Variants in ARHGEF7 observed in about 807,000 individuals in gnomAD.
ARHGEF7 encodes the protein Rho guanine nucleotide exchange factor 7, also known as PAK-interacting exchange factor beta.
ARHGEF7 carries 33 observed loss-of-function variants against 109.8 expected under a neutral mutation model. That is an observed-to-expected ratio of 0.30 (90% CI 0.23 to 0.40). The LOEUF (loss-of-function observed/expected upper bound fraction) is 0.40. Among genes scored for constraint, ARHGEF7 ranks in the 10% least tolerant of loss-of-function variants. The pLI, the probability that ARHGEF7 is intolerant of heterozygous loss-of-function variation, is 1.00. For missense variants in ARHGEF7, 938 were observed against 1,098.5 expected, an observed-to-expected ratio of 0.85 and a Z score of 2.07; for synonymous variants, 458 against 424.6, an observed-to-expected ratio of 1.08 and a Z score of -0.97.
chr13:111,115,726 C>A (rs1250334149), intron 1 of ARHGEF7, 35 bp downstream of exon 1: 4 of 1,106,038 alleles, frequency 3.6e-6, no homozygotes, highest in African/African-American at 3.4e-5. Flanking sequence ...CCGCGCCCCC[C>A]GGTCCGGCCC....
At chr13:111,292,607 T>C in intron 19 of ARHGEF7, 1 of 1,243,136 alleles carries the variant, frequency 8.0e-7, no homozygotes, top group Non-Finnish European at 1.0e-6. Flanking sequence ...CCAAATGGTT[T>C]TTTTATTCTC....
At chr13:111,230,719 C>T (rs2085927602) in intron 5 of ARHGEF7, among the ~76,000 whole-genome samples, 2 of 152,204 alleles carry the variant, frequency 1.3e-5, no homozygotes, top group South Asian at 4.1e-4. Context: ...TGGCACACTT[C>T]AGCAGTGCCC....
chr13:111,288,226 A>G (rs2093109607), intron 17 of ARHGEF7, 128 bp from the exon 18 acceptor site: 1 of 471,592 alleles, frequency 2.1e-6, no homozygotes, highest in Non-Finnish European at 3.9e-6. Context: ...GTTATCTGAC[A>G]AGAAAATCAA....
At chr13:111,148,177 C>T (rs962105149) in intron 1 of ARHGEF7, among the ~76,000 whole-genome samples, 4 of 152,236 alleles carry the variant, frequency 2.6e-5, no homozygotes, top group African/African-American at 9.6e-5. Context: ...CATCATCTGC[C>T]ATGGAGTCTA....
chr13:111,171,629 G>C (rs2077602548), intron 2 of ARHGEF7, among the ~76,000 whole-genome samples: 1 of 152,192 alleles, frequency 6.6e-6, no homozygotes, highest in Non-Finnish European at 1.5e-5. Context: ...TGTGATCTTT[G>C]AAGTTAGCTT....
chr13:111,183,490 A>T (rs550331727), intron 2 of ARHGEF7, among the ~76,000 whole-genome samples: 1 of 152,116 alleles, frequency 6.6e-6, no homozygotes, highest in Non-Finnish European at 1.5e-5. Context: ...CACCTCCGGC[A>T]TCATCTGTGG....
At chr13:111,200,142 G>T (rs914538833) in intron 2 of ARHGEF7, among the ~76,000 whole-genome samples, 22 of 151,862 alleles carry the variant, frequency 1.4e-4, no homozygotes, top group African/African-American at 5.3e-4. Flanking sequence ...CACCTCTCTC[G>T]GCCCCTAGAT....
chr13:111,163,121 A>C (rs1239393492), intron 2 of ARHGEF7, among the ~76,000 whole-genome samples: 7 of 152,250 alleles, frequency 4.6e-5, no homozygotes, highest in Non-Finnish European at 7.3e-5. Flanking sequence ...TCATTGAATA[A>C]GCTGTTGAAG....
In ARHGEF7 at chr13:111,145,740, G is replaced by A. The variant is rs1351362990; in HGVS notation, c.166-8165G>A. ...TCCTATTGGCTCAACCCCACCAGAA[G>A]CCAGAGAGCAGGGAAGCCTGGTTGA... On this transcript the variant is annotated intron_variant, in intron 1 of 21. Coordinates refer to ENST00000646102, the MANE Select transcript of ARHGEF7 (RefSeq NM_001354046.2). The surrounding 1 kb of genome is among the most constrained non-coding windows in gnomAD (Gnocchi z 4.3). Among the ~76,000 whole-genome samples, 1 of 152,236 alleles carries A rather than the reference G, an allele frequency of 6.6e-6. No homozygotes were observed. Among genetic ancestry groups the A allele is most frequent in the African/African-American group, 2.4e-5 (1 of 41,458 alleles).
chr13:111,138,300 C>T (rs1443556300), intron 1 of ARHGEF7, among the ~76,000 whole-genome samples: 8 of 151,156 alleles, frequency 5.3e-5, no homozygotes, highest in Non-Finnish European at 7.4e-5. Flanking sequence ...GCAACAAGAG[C>T]GAAACTCTGT....
chr13:111,159,036 C>G, intron 2 of ARHGEF7: 2 of 718,522 alleles, frequency 2.8e-6, no homozygotes, highest in Non-Finnish European at 5.2e-6. Context: ...GCTCCTGTTT[C>G]CTCCTTCCCA....
chr13:111,249,462 G>T (rs2089431038), intron 8 of ARHGEF7, among the ~76,000 whole-genome samples: 1 of 151,936 alleles, frequency 6.6e-6, no homozygotes, highest in Non-Finnish European at 1.5e-5. Flanking sequence ...AAAAAAGGGA[G>T]GCTGGGGAGC....
intron 4 of ARHGEF7, among the ~76,000 whole-genome samples, chr13:111,216,459 G>T (rs2083155730): frequency 6.6e-6 from 1 of 151,972 alleles, no homozygotes; most frequent in South Asian, 2.1e-4. Flanking sequence ...CACTGGTGGG[G>T]ATAGAGGCCT....
chr13:111,211,197 C>T (rs930930902), intron 4 of ARHGEF7, among the ~76,000 whole-genome samples: 1 of 152,150 alleles, frequency 6.6e-6, no homozygotes, highest in Admixed American at 6.5e-5. Context: ...TCCTGCTTTG[C>T]AGGAGCCTGT....
intron 1 of ARHGEF7, among the ~76,000 whole-genome samples, chr13:111,134,148 T>G (rs1386325432): frequency 3.9e-5 from 6 of 152,162 alleles, no homozygotes; most frequent in African/African-American, 1.4e-4. Context: ...CTGCATAGTA[T>G]TCCATGGTGT....
intron 2 of ARHGEF7, among the ~76,000 whole-genome samples, chr13:111,172,961 G>T (rs569297932): frequency 1.3e-5 from 2 of 152,270 alleles, no homozygotes; most frequent in South Asian, 4.1e-4. Flanking sequence ...AACGCTCCTG[G>T]TCCCAAGCAT....
intron 1 of ARHGEF7, among the ~76,000 whole-genome samples, chr13:111,139,147 A>G (rs1045849620): frequency 2.0e-5 from 3 of 152,250 alleles, no homozygotes; most frequent in Non-Finnish European, 4.4e-5. Context: ...AAGGTACAGT[A>G]GAGATGGCAG....
At chr13:111,179,063 T>G (rs2078462099) in intron 2 of ARHGEF7, among the ~76,000 whole-genome samples, 1 of 141,478 alleles carries the variant, frequency 7.1e-6, no homozygotes, top group Non-Finnish European at 1.5e-5. Context: ...ACCAGCATTC[T>G]GAGTTCAAAT....
At chr13:111,119,307 A>C (rs1221242784) in intron 1 of ARHGEF7, among the ~76,000 whole-genome samples, 1 of 152,256 alleles carries the variant, frequency 6.6e-6, no homozygotes, top group African/African-American at 2.4e-5. Flanking sequence ...ACTGGGGGTT[A>C]GGACTTCAAA....
Sources: gnomAD v4.1 joint callset for allele counts (sites outside exome capture counted in the v4.1 genomes callset) on GRCh38, gnomAD v4.1.1 for gene constraint, Gnocchi (gnomAD v3.1) non-coding constraint, MANE v1.5 for transcripts, NCBI Gene and HGNC (gene_info 2026-07-23, HGNC 2026-07-21) for gene names.